Variants in NTN5 observed in about 807,000 individuals in gnomAD.
NTN5 encodes the protein netrin 5.
NTN5 carries 42 observed loss-of-function variants against 38.7 expected under a neutral mutation model. The ratio of observed to expected loss-of-function variants is 1.08; its 90% confidence interval spans 0.85 to 1.40. The LOEUF is 1.40. Among genes scored for constraint, NTN5 ranks in the 40% most tolerant of loss-of-function variants. The pLI, the probability that NTN5 is intolerant of heterozygous loss-of-function variation, is 0.00. For missense variants in NTN5, 658 were observed against 716.5 expected (o/e 0.92, Z 0.93); for synonymous variants, 329 against 303.9 (o/e 1.08, Z -0.86).
chr19:48,661,481 T>G lies in NTN5; in HGVS notation c.*196A>C. Reference sequence around the variant, plus strand: ...ATAAGCCACAGGCCAAAGGAGGAAATGTTGGGACCAGAAGTCCCGCTTGCC... The same window carrying G: ...ATAAGCCACAGGCCAAAGGAGGAAAGGTTGGGACCAGAAGTCCCGCTTGCC... On this transcript the variant is annotated 3_prime_UTR_variant, in exon 7 of 7. Transcript: ENST00000270235. The G allele has an allele frequency of 1.9e-6, 1 of 535,110 alleles. No individual in the cohort carries two copies. Among genetic ancestry groups the G allele is most frequent in the Non-Finnish European group, 3.0e-6 (1 of 334,290 alleles). The allele number at this position is 535,110 out of a possible 1,614,324, so 33.1% of individuals were successfully genotyped here.
At chr19:48,667,005 A>G (rs2031722664) in intron 2 of NTN5, among the ~76,000 whole-genome samples, 1 of 151,990 alleles carries the variant, frequency 6.6e-6, no homozygotes, top group African/African-American at 2.4e-5. Context: ...TTGTGGGATA[A>G]TCAGGGAGCT....
rs747682529 is a variant in NTN5 at position 48,661,561 on chromosome 19, G to A, written c.*116C>T. ...TCGGCGTGGGCGCAAGCATAGTGTC[G>A]TCGGGGCTCTGCGACGTCTGATTGG... On this transcript the variant is annotated 3_prime_UTR_variant, in exon 7 of 7. Coordinates refer to ENST00000270235, the MANE Select transcript of NTN5 (RefSeq NM_145807.4). 8.9e-6 allele frequency: 11 copies of A among 1,235,522 alleles called. No homozygotes were observed. The highest frequency in any genetic ancestry group is 3.8e-5 in the Admixed American group (1 of 26,538). 76.5% of individuals were successfully genotyped at this position (1,235,522 alleles called of 1,614,324 possible). A position where few individuals can be genotyped will look rare whatever the true frequency, so the allele number is the denominator to read the frequency against.
At chr19:48,667,789 G>A (rs2031743120) in intron 2 of NTN5, among the ~76,000 whole-genome samples, 1 of 152,140 alleles carries the variant, frequency 6.6e-6, no homozygotes, top group South Asian at 2.1e-4. Context: ...CCCAGAGGCA[G>A]AGGCTACAGT....
Position 48,661,440 on chromosome 19 carries a change from A to T in NTN5, c.*237T>A, listed in dbSNP as rs1057172056. 2 of 410,254 alleles carry T rather than the reference A, an allele frequency of 4.9e-6. No individual in the cohort carries two copies. Among genetic ancestry groups the T allele is most frequent in the Admixed American group, 9.3e-5 (2 of 21,544 alleles). 25.4% of individuals were successfully genotyped at this position (410,254 alleles called of 1,614,324 possible). On this transcript the variant is annotated 3_prime_UTR_variant, in exon 7 of 7. Coordinates refer to ENST00000270235, the MANE Select transcript of NTN5 (RefSeq NM_145807.4). ...GATTTGAGACTTTATTGGGGGAAAC[A>T]GATCACTGGCGGGGAATAAGCCACA...
intron 2 of NTN5, among the ~76,000 whole-genome samples, chr19:48,666,763 A>T (rs1232993381): frequency 7.8e-6 from 1 of 127,418 alleles, no homozygotes; most frequent in Non-Finnish European, 1.6e-5. Context: ...AACTCACCAC[A>T]GCCTCCAACT....
intron 6 of NTN5, among the ~76,000 whole-genome samples, 173 bp from the exon 7 acceptor site, chr19:48,662,214 T>C (rs960560543): frequency 2.6e-5 from 4 of 151,850 alleles, no homozygotes; most frequent in African/African-American, 7.3e-5. Context: ...TCGTGAGGGG[T>C]AGAGCCTGCT....
At chr19:48,672,266 G>A (rs1320236992) in intron 1 of NTN5, among the ~76,000 whole-genome samples, 1 of 152,178 alleles carries the variant, frequency 6.6e-6, no homozygotes, top group African/African-American at 2.4e-5. Context: ...GCAGGAGCTG[G>A]GAAGGACTGG....
chr19:48,670,375 C>A lies in NTN5; in HGVS notation c.612G>T (p.Arg204=). The part of the protein sequence containing the change: ...RDWPWRPATP[R]HPHPCLPCSC... ...ACTCACGTAGGCAAGGGTGGGGGTG[C>A]CGGGGCGTGGCAGGCCGCCAGGGCC... The change falls in exon 2 of 7, where the codon CGG becomes CGT. Residue 204 remains arginine (R), a synonymous_variant. Coordinates refer to ENST00000270235, the MANE Select transcript of NTN5 (RefSeq NM_145807.4). 1 of 1,414,384 alleles carries A rather than the reference C, an allele frequency of 7.1e-7. No individual in the cohort carries two copies. Among genetic ancestry groups the A allele is most frequent in the African/African-American group, 1.5e-5 (1 of 65,842 alleles). 87.6% of individuals were successfully genotyped at this position (1,414,384 alleles called of 1,614,324 possible). A position where few individuals can be genotyped will look rare whatever the true frequency, so the allele number is the denominator to read the frequency against.
intron 2 of NTN5, 117 bp from the exon 3 acceptor site, chr19:48,664,884 G>T (rs1206638286): frequency 1.5e-5 from 12 of 803,834 alleles, no homozygotes; most frequent in Admixed American, 4.0e-5. Flanking sequence ...CAAGGTAGAA[G>T]AGAATGCCTG....
chr19:48,671,392 G>A (rs532945260), intron 1 of NTN5, among the ~76,000 whole-genome samples: 2 of 151,970 alleles, frequency 1.3e-5, no homozygotes, highest in East Asian at 3.9e-4. Flanking sequence ...CTTAGGGACA[G>A]ATGAAGACTC....
rs1568453447 is a variant in NTN5, at chr19:48,670,943, G to A, written c.44C>T (p.Thr15Ile). Residue 15 changes from threonine (T) to isoleucine (I), a missense_variant, in exon 2 of 7, where the codon ACT becomes ATT. Thr to Ile is a moderately conservative substitution (Grantham distance 89). Transcript: ENST00000270235. ...CTGTGGATCGTAGCATGGGTCCGCA[G>A]TGGCCTGGCCCAGGAGGAGCAGGAG... is the stretch of plus-strand genomic sequence containing the variant. ...FALLLLLGQA[T>I]ADPCYDPQGR... 2 of 1,574,090 alleles carry A rather than the reference G, an allele frequency of 1.3e-6. No individual in the cohort carries two copies. The highest frequency in any genetic ancestry group is 4.5e-5 in the East Asian group (2 of 44,478).
At position 48,670,451 on chromosome 19, in the gene NTN5, T is replaced by A; in HGVS notation, c.536A>T (p.His179Leu). Residue 179 changes from histidine to leucine, a missense_variant, in exon 2 of 7, where the codon CAC becomes CTC. By Grantham distance (99) the His-to-Leu change is moderately conservative. Transcript: ENST00000270235. ...RARPPRCHCR[H>L]HTTGPGCESC... ...CTCGCACCCCGGGCCAGTGGTATGG[T>A]GGCGGCAGTGGCAGCGGGGGGGCCG... The A allele has an allele frequency of 6.8e-7, 1 of 1,475,974 alleles. No individual in the cohort carries two copies. Among genetic ancestry groups the A allele is most frequent in the Non-Finnish European group, 9.0e-7 (1 of 1,113,822 alleles). The allele number at this position is 1,475,974 out of a possible 1,614,324, so 91.4% of individuals were successfully genotyped here.
At position 48,664,128 on chromosome 19, in the gene NTN5, C is replaced by G. The variant is rs373302553; in HGVS notation, c.970+15G>C. On this transcript the variant is annotated intron_variant, in intron 4 of 6. Transcript: ENST00000270235. ...CGCTCTACTCAGGCTTGTGGCCTGG[C>G]CCCTCAAGACTTACGCTGGCAGGGC... 3.1e-6 allele frequency: 5 copies of G among 1,595,990 alleles called. No individual in the cohort carries two copies. Among genetic ancestry groups the G allele is most frequent in the Admixed American group, 3.5e-5 (2 of 56,890 alleles).
At position 48,670,675 on chromosome 19, in the gene NTN5, C is replaced by T; in HGVS notation, c.312G>A (p.Leu104=). The change falls in exon 2 of 7, where the codon CTG becomes CTA. Residue 104 remains leucine, a synonymous_variant. Transcript: ENST00000270235. Reference sequence around the variant, plus strand: ...CAGGCCAGGCGGGCCTGTGCCACAGCAGCCTCCAGGGACCCCCTGAGGCCC... The same window carrying T: ...CAGGCCAGGCGGGCCTGTGCCACAGTAGCCTCCAGGGACCCCCTGAGGCCC... ...AAWASGGPWR[L]LWHRPAWPGA... is the part of the protein sequence containing the mutation. 2 of 1,608,514 alleles carry T rather than the reference C, an allele frequency of 1.2e-6. No individual in the cohort carries two copies. The highest frequency in any genetic ancestry group is 1.7e-4 in the Middle Eastern group (1 of 6,022).
intron 2 of NTN5, among the ~76,000 whole-genome samples, chr19:48,669,816 TCAC>T (rs1178629955): frequency 6.8e-4 from 25 of 36,954 alleles, no homozygotes; most frequent in South Asian, 2.1e-3. Flanking sequence ...ATCATCACCA[TCAC>T]CACCACCACC....
chr19:48,661,854 C>A lies in NTN5; in HGVS notation c.1293G>T (p.Leu431=). 1 of 1,340,742 alleles carries A rather than the reference C, an allele frequency of 7.5e-7. No individual in the cohort carries two copies. Among genetic ancestry groups the A allele is most frequent in the Non-Finnish European group, 9.5e-7 (1 of 1,049,716 alleles). 83.1% of individuals were successfully genotyped at this position (1,340,742 alleles called of 1,614,324 possible). Residue 431 remains leucine, a synonymous_variant, in exon 7 of 7, where the codon CTG becomes CTT. Coordinates refer to ENST00000270235, the MANE Select transcript of NTN5 (RefSeq NM_145807.4). ...CGGGGTCGCCCACGGCGCTGCCCAG[C>A]AGCAGGTAGTCGGTGCCTGGCTGCA... is the stretch of plus-strand genomic sequence containing the variant. ...LRLQPGTDYL[L]LGSAVGDPDP...
Position 48,662,031 on chromosome 19 carries a change from C to A in NTN5, c.1116G>T (p.Ala372=). 6.8e-7 allele frequency: 1 copy of A among 1,480,542 alleles called. No homozygotes were observed. Among genetic ancestry groups the A allele is most frequent in the Non-Finnish European group, 8.9e-7 (1 of 1,123,872 alleles). The allele number at this position is 1,480,542 out of a possible 1,614,324, so 91.7% of individuals were successfully genotyped here. A position where few individuals can be genotyped will look rare whatever the true frequency, so the allele number is the denominator to read the frequency against. Residue 372 remains alanine (A), a synonymous_variant, in exon 7 of 7, where the codon GCG becomes GCT. Transcript: ENST00000270235. ...RYCQQDHVLR[A]QVLASEAAGP... is the part of the protein sequence containing the mutation. ...CCGCCGCCTCGGACGCTAGCACCTG[C>A]GCGCGGAGAACTGTGGGGAGGGGAG...
At position 48,668,817 on chromosome 19, in the gene NTN5, T is replaced by A. The variant is rs117806366; in HGVS notation, c.631+1539A>T. ...GAATACTTTCCCCCTGTGGTTGGTT[T>A]GAGGAGTCAGGTACCATCCAGCTGT... On this transcript the variant is annotated intron_variant, in intron 2 of 6. Coordinates refer to ENST00000270235, the MANE Select transcript of NTN5 (RefSeq NM_145807.4). 3.3e-5 allele frequency among the ~76,000 whole-genome samples: 5 copies of A among 152,264 alleles called. No individual in the cohort carries two copies. The East Asian group carries it at 9.6e-4, about 29-fold the overall frequency.
In NTN5 at chr19:48,661,931, C is replaced by G; in HGVS notation, c.1216G>C (p.Asp406His). The G allele has an allele frequency of 2.2e-6, 3 of 1,369,220 alleles. No individual in the cohort carries two copies. The highest frequency in any genetic ancestry group is 2.8e-6 in the Non-Finnish European group (3 of 1,065,294). 84.8% of individuals were successfully genotyped at this position (1,369,220 alleles called of 1,614,324 possible). Residue 406 changes from aspartate to histidine, a missense_variant, in exon 7 of 7, where the codon GAC becomes CAC. Asp to His is a moderately conservative substitution (Grantham distance 81). Transcript: ENST00000270235. Reference protein sequence around the residue: ...KQRAQPVRRGDQDAWVPRADL... With the variant: ...KQRAQPVRRGHQDAWVPRADL... ...GCGCGGGGCACCCAGGCGTCCTGGT[C>G]GCCGCGTCGCACGGGCTGCGCCCGC... is the stretch of plus-strand genomic sequence containing the variant.
Sources: allele counts gnomAD v4.1 joint callset (sites outside exome capture counted in the v4.1 genomes callset), GRCh38; gene constraint gnomAD v4.1.1; transcripts MANE v1.5; gene names NCBI Gene and HGNC (gene_info 2026-07-23, HGNC 2026-07-21).